Variants in DLG2 observed in about 807,000 individuals in gnomAD.
The protein encoded by DLG2 is disks large homolog 2.
DLG2 carries 45 observed loss-of-function variants against 132.5 expected under a neutral mutation model. The ratio of observed to expected loss-of-function variants is 0.34; its 90% CI spans 0.27 to 0.44. The LOEUF (loss-of-function observed/expected upper bound fraction) is 0.44. DLG2 is among the 20% of genes least tolerant of loss of function. The pLI is 1.00. For synonymous variants in DLG2, 424 were observed against 419.6 expected (o/e 1.01, Z -0.13); for missense variants, 1,045 against 1,196.9 (o/e 0.87, Z 1.87).
intron 22 of DLG2, 135 bp downstream of exon 22, chr11:83,483,994 T>C: frequency 5.7e-6 from 4 of 702,294 alleles, no homozygotes; most frequent in Non-Finnish European, 1.0e-5. Context: ...CTGGTCACAG[T>C]AGTAGACCTG....
chr11:85,610,931 T>A (rs1021293747), intron 2 of DLG2, among the ~76,000 whole-genome samples: 43 of 152,166 alleles, frequency 2.8e-4, no homozygotes, highest in Admixed American at 8.5e-4. Context: ...GACCACTCTA[T>A]ACTCTAATCA....
intron 12 of DLG2, among the ~76,000 whole-genome samples, chr11:83,974,753 T>C (rs1388995198): frequency 2.6e-5 from 4 of 152,046 alleles, no homozygotes; most frequent in Non-Finnish European, 5.9e-5. Flanking sequence ...AGACCAAAGA[T>C]GGATGTGACT....
At chr11:84,829,544 G>T (rs993720047) in intron 6 of DLG2, among the ~76,000 whole-genome samples, 1 of 151,696 alleles carries the variant, frequency 6.6e-6, no homozygotes, top group Non-Finnish European at 1.5e-5. Context: ...TAGTAAAGTG[G>T]AAAGACCACG....
chr11:83,569,201 GT>G (rs769756954), intron 19 of DLG2, among the ~76,000 whole-genome samples: 7 of 130,366 alleles, frequency 5.4e-5, no homozygotes, highest in South Asian at 2.5e-4. Context: ...GCTTTATGCT[GT>G]TTTTTTTAAT....
At chr11:83,987,017 T>C (rs1445979494) in intron 11 of DLG2, among the ~76,000 whole-genome samples, 1 of 152,166 alleles carries the variant, frequency 6.6e-6, no homozygotes, top group Non-Finnish European at 1.5e-5. Flanking sequence ...GGTTGCCTGT[T>C]CACTCTGATG....
chr11:84,872,581 A>C (rs977320521), intron 6 of DLG2, among the ~76,000 whole-genome samples: 1 of 152,218 alleles, frequency 6.6e-6, no homozygotes, highest in African/African-American at 2.4e-5. Context: ...AGTCATCAAT[A>C]ATTTCACAAA....
At chr11:83,601,069 A>G (rs564169759) in intron 19 of DLG2, among the ~76,000 whole-genome samples, 7 of 152,260 alleles carry the variant, frequency 4.6e-5, no homozygotes, top group Non-Finnish European at 1.0e-4. Context: ...AGAGCATGCA[A>G]TGATAGAGTA....
chr11:85,199,750 C>A (rs946402269), intron 4 of DLG2, among the ~76,000 whole-genome samples: 2 of 152,024 alleles, frequency 1.3e-5, no homozygotes, highest in Non-Finnish European at 2.9e-5. Context: ...AGAGTTCTAA[C>A]CATGACTTTA....
chr11:85,051,834 C>G (rs2154154358), intron 6 of DLG2, among the ~76,000 whole-genome samples: 1 of 152,060 alleles, frequency 6.6e-6, no homozygotes, highest in African/African-American at 2.4e-5. Context: ...GCAAAAGCAC[C>G]CAGGATAGAC....
At chr11:84,703,968 A>G (rs1358615921) in intron 6 of DLG2, among the ~76,000 whole-genome samples, 3 of 148,610 alleles carry the variant, frequency 2.0e-5, no homozygotes, top group Non-Finnish European at 1.5e-5. Context: ...GCACATTATT[A>G]TATTGTTTTT....
chr11:85,618,966 CAATA>C (rs1226533882), intron 2 of DLG2, among the ~76,000 whole-genome samples: 2 of 152,286 alleles, frequency 1.3e-5, no homozygotes, highest in African/African-American at 4.8e-5. Context: ...TGTACTCTCC[CAATA>C]GATATGTAAA....
intron 6 of DLG2, among the ~76,000 whole-genome samples, chr11:85,094,465 C>T (rs955882585): frequency 1.3e-5 from 2 of 152,146 alleles, no homozygotes; most frequent in Admixed American, 1.3e-4. Context: ...TTAGTGTAGC[C>T]ACCTTCATCA....
At position 85,154,679 on chromosome 11, in the gene DLG2, C is replaced by A. The variant is rs1308040070; in HGVS notation, c.187-28G>T. 3 of 1,106,796 alleles carry A rather than the reference C, an allele frequency of 2.7e-6. No individual in the cohort carries two copies. In the South Asian group the frequency reaches 4.3e-5, roughly 16 times the overall value. 68.6% of individuals were successfully genotyped at this position (1,106,796 alleles called of 1,614,324 possible). A position where few individuals can be genotyped will look rare whatever the true frequency, so the allele number is the denominator to read the frequency against. On this transcript the variant is annotated intron_variant, in intron 4 of 27. Transcript: ENST00000376104. Reference sequence around the variant, plus strand: ...AAAATAAAAGTTTAAAAAATCAATACTCCTTTTTTATTTTCTGCAATGTAT... The same window carrying A: ...AAAATAAAAGTTTAAAAAATCAATAATCCTTTTTTATTTTCTGCAATGTAT...
intron 7 of DLG2, among the ~76,000 whole-genome samples, chr11:84,472,089 AAGGTCCC>A (rs2099109882): frequency 6.6e-6 from 1 of 151,882 alleles, no homozygotes; most frequent in Admixed American, 6.6e-5. Flanking sequence ...GCCATGTGAA[AAGGTCCC>A]AGTTTCGTCA....
intron 6 of DLG2, among the ~76,000 whole-genome samples, chr11:84,732,078 T>C (rs1431637965): frequency 6.6e-6 from 1 of 152,104 alleles, no homozygotes; most frequent in Admixed American, 6.6e-5. Flanking sequence ...AACATATCTA[T>C]TCTGAGGTTT....
chr11:84,592,838 C>G (rs1302385239), intron 6 of DLG2, among the ~76,000 whole-genome samples: 1 of 143,846 alleles, frequency 7.0e-6, no homozygotes, highest in Non-Finnish European at 1.5e-5. Context: ...GATTACAGGC[C>G]TGTAATCCCA....
At chr11:83,663,760 C>G (rs1056140839) in intron 18 of DLG2, among the ~76,000 whole-genome samples, 1 of 152,082 alleles carries the variant, frequency 6.6e-6, no homozygotes, top group Non-Finnish European at 1.5e-5. Flanking sequence ...GTAAGAATAC[C>G]TCAGAGGTTC....
intron 6 of DLG2, among the ~76,000 whole-genome samples, chr11:84,990,999 T>C (rs1280838301): frequency 6.6e-6 from 1 of 152,082 alleles, no homozygotes; most frequent in African/African-American, 2.4e-5. Context: ...AATGTTAAAC[T>C]ACAGTATATC....
chr11:85,611,881 C>G (rs891377659), intron 2 of DLG2, among the ~76,000 whole-genome samples: 4 of 151,734 alleles, frequency 2.6e-5, no homozygotes, highest in Non-Finnish European at 5.9e-5. Flanking sequence ...GAGGGGAGAA[C>G]AGCAGCATAA....
Sources: gnomAD v4.1 joint callset for allele counts (sites outside exome capture counted in the v4.1 genomes callset) on GRCh38, gnomAD v4.1.1 for gene constraint, MANE v1.5 for transcripts, NCBI Gene and HGNC (gene_info 2026-07-23, HGNC 2026-07-21) for gene names.